Variants in SMCO2 observed in about 807,000 individuals in gnomAD.
The protein encoded by SMCO2 is single-pass membrane protein with coiled-coil domains 2.
Under a neutral mutation model 29.5 loss-of-function variants are expected in SMCO2, and 25 were observed. The ratio of observed to expected loss-of-function variants is 0.85; its 90% CI spans 0.62 to 1.18. The LOEUF (loss-of-function observed/expected upper bound fraction) is 1.18. Among genes scored for constraint, SMCO2 ranks in the 50% most tolerant of loss-of-function variants. SMCO2 has a pLI of 0.00. For missense variants in SMCO2, 348 were observed against 344.5 expected (o/e 1.01, Z -0.08); for synonymous variants, 117 against 123.3 (o/e 0.95, Z 0.34).
At chr12:27,427,478 A>G in the SMCO2 span, among the ~76,000 whole-genome samples, 1 of 152,206 alleles carries the variant, frequency 6.6e-6, no homozygotes, top group African/African-American at 2.4e-5. Flanking sequence ...AAAGTAGAGT[A>G]GGGAACAGAG....
chr12:27,479,946 T>C (rs1039159986), intron 4 of SMCO2, among the ~76,000 whole-genome samples: 2 of 152,150 alleles, frequency 1.3e-5, no homozygotes, highest in Non-Finnish European at 2.9e-5. Flanking sequence ...CGATACGCTG[T>C]CTGGAAGCTG....
intron 4 of SMCO2, among the ~76,000 whole-genome samples, chr12:27,477,633 T>C (rs200710001): frequency 1.5e-4 from 20 of 134,642 alleles, no homozygotes; most frequent in Middle Eastern, 3.6e-3. Context: ...TCTTTTTCAT[T>C]CTTTTTTTTT....
the SMCO2 span, among the ~76,000 whole-genome samples, chr12:27,433,884 A>C: frequency 2.6e-4 from 40 of 152,286 alleles, no homozygotes; most frequent in Admixed American, 1.5e-3. Context: ...AATCATACCA[A>C]CAGTTGCCCT....
At chr12:27,475,471 G>A (rs1308474779) in intron 4 of SMCO2, 111 bp from the exon 5 acceptor site, 41 of 1,217,146 alleles carry the variant, frequency 3.4e-5, no homozygotes, top group Non-Finnish European at 4.4e-5. Context: ...CCATTTTGGT[G>A]ACAAGGAAGA....
At chr12:27,441,630 G>A in the SMCO2 span, among the ~76,000 whole-genome samples, 3 of 152,026 alleles carry the variant, frequency 2.0e-5, no homozygotes, top group Non-Finnish European at 2.9e-5. Flanking sequence ...ATTATAGTGC[G>A]GGCTTTAACA....
At chr12:27,497,444 G>T in intron 7 of SMCO2, 1 of 216,020 alleles carries the variant, frequency 4.6e-6, no homozygotes. Flanking sequence ...ATTAACCATG[G>T]TAAAATCAGA....
At chr12:27,492,151 T>C (rs541779860) in intron 5 of SMCO2, among the ~76,000 whole-genome samples, 1 of 152,364 alleles carries the variant, frequency 6.6e-6, no homozygotes, top group South Asian at 2.1e-4. Flanking sequence ...TTACACATTG[T>C]TGTTTTGATG....
chr12:27,430,911 T>G, the SMCO2 span, among the ~76,000 whole-genome samples: 1 of 152,150 alleles, frequency 6.6e-6, no homozygotes, highest in Admixed American at 6.5e-5. Flanking sequence ...ACTGTGATTT[T>G]GATAAACCTT....
intron 4 of SMCO2, among the ~76,000 whole-genome samples, chr12:27,484,776 C>A (rs2135562011): frequency 6.8e-6 from 1 of 147,216 alleles, no homozygotes; most frequent in South Asian, 2.1e-4. Flanking sequence ...TTGCTTGAAT[C>A]CAGGAGGTGG....
At chr12:27,424,158 A>C in the SMCO2 span, 2 of 152,190 alleles carry the variant, frequency 1.3e-5, no homozygotes, top group African/African-American at 4.8e-5. Context: ...CTCAGATTAT[A>C]TTTCTATTGG....
chr12:27,501,438 C>A (rs306610), intron 7 of SMCO2, among the ~76,000 whole-genome samples: 10,745 of 111,162 alleles, frequency 0.097, 990 homozygotes, highest in East Asian at 0.26. Context: ...AAAAAAAAAA[C>A]AAACAAACAA....
At chr12:27,486,947 A>G (rs974877114) in intron 4 of SMCO2, among the ~76,000 whole-genome samples, 2 of 152,132 alleles carry the variant, frequency 1.3e-5, no homozygotes, top group Admixed American at 1.3e-4. Flanking sequence ...TTATAGATTC[A>G]TAGGAGGTTT....
At chr12:27,486,968 T>C (rs1219569286) in intron 4 of SMCO2, among the ~76,000 whole-genome samples, 7 of 152,226 alleles carry the variant, frequency 4.6e-5, no homozygotes, top group African/African-American at 1.4e-4. Context: ...CAAAAATATA[T>C]ATGCAAGGAA....
chr12:27,452,663 AT>A, the SMCO2 span, among the ~76,000 whole-genome samples: 3 of 152,006 alleles, frequency 2.0e-5, no homozygotes, highest in African/African-American at 7.2e-5. Context: ...CTAATGTTTT[AT>A]TTTTTGTAGA....
intron 3 of SMCO2, among the ~76,000 whole-genome samples, chr12:27,473,269 A>T (rs189610832): frequency 4.6e-5 from 7 of 152,184 alleles, no homozygotes; most frequent in Non-Finnish European, 5.9e-5. Context: ...TTCACCCCTA[A>T]TGCAGCCTCC....
At chr12:27,440,905 G>A in the SMCO2 span, among the ~76,000 whole-genome samples, 2 of 152,072 alleles carry the variant, frequency 1.3e-5, no homozygotes, top group Non-Finnish European at 2.9e-5. Flanking sequence ...AATGACAGTA[G>A]TAAGTCCTTA....
At chr12:27,437,886 T>C in the SMCO2 span, among the ~76,000 whole-genome samples, 1 of 152,212 alleles carries the variant, frequency 6.6e-6, no homozygotes, top group Non-Finnish European at 1.5e-5. Context: ...CTCCCTCTTT[T>C]CTAAATCCTT....
rs986507190 is a variant in SMCO2 at position 27,501,922 on chromosome 12, G to A, written c.684-1G>A. 1.8e-5 allele frequency: 27 copies of A among 1,524,416 alleles called. No homozygotes were observed. Among genetic ancestry groups the A allele is most frequent in the Non-Finnish European group, 2.1e-5 (24 of 1,135,540 alleles). 94.4% of individuals were successfully genotyped at this position (1,524,416 alleles called of 1,614,324 possible). A position where few individuals can be genotyped will look rare whatever the true frequency, so the allele number is the denominator to read the frequency against. The stretch of plus-strand genomic sequence containing the variant: ...AACACAGATGTTTTCTCTCTTTGTA[G>A]GAAACGTGCACTGAGGATTTTCATC... On this transcript the variant is annotated splice_acceptor_variant, in intron 7 of 7. Coordinates refer to ENST00000298876, the Ensembl canonical transcript of SMCO2. LOFTEE classifies it high-confidence loss of function.
At chr12:27,454,653 G>A in the SMCO2 span, among the ~76,000 whole-genome samples, 1 of 152,086 alleles carries the variant, frequency 6.6e-6, no homozygotes, top group Non-Finnish European at 1.5e-5. Flanking sequence ...GCATACACGT[G>A]CCATGGTGGT....
Sources: gnomAD v4.1 joint callset for allele counts (sites outside exome capture counted in the v4.1 genomes callset) on GRCh38, gnomAD v4.1.1 for gene constraint, MANE v1.5 for transcripts, NCBI Gene and HGNC (gene_info 2026-07-23, HGNC 2026-07-21) for gene names.